CACNA2D3: variants seen among roughly 807,000 people sequenced by gnomAD.
CACNA2D3 encodes calcium voltage-gated channel auxiliary subunit alpha2delta 3.
In CACNA2D3, 60 loss-of-function variants were observed where a neutral mutation model predicts 160.6. That is an observed-to-expected ratio of 0.37 (90% CI 0.30 to 0.46). The LOEUF (loss-of-function observed/expected upper bound fraction) is 0.46, where lower values mean the gene tolerates loss of function less well. CACNA2D3 is among the 20% of genes least tolerant of loss of function. The pLI is 1.00. For synonymous variants in CACNA2D3, 558 were observed against 492.9 expected, an observed-to-expected ratio of 1.13 and a Z score of -1.75; for missense variants, 1,205 against 1,365.0, an observed-to-expected ratio of 0.88 and a Z score of 1.85.
At chr3:54,158,905 C>T (rs563716374) in intron 2 of CACNA2D3, among the ~76,000 whole-genome samples, 1 of 152,300 alleles carries the variant, frequency 6.6e-6, no homozygotes, top group African/African-American at 2.4e-5. Context: ...CCCTGCCCTG[C>T]TGAAATTAAG....
intron 9 of CACNA2D3, among the ~76,000 whole-genome samples, chr3:54,604,602 T>C (rs370418461): frequency 6.6e-6 from 1 of 152,230 alleles, no homozygotes; most frequent in African/African-American, 2.4e-5. Flanking sequence ...TCCCAGTAGC[T>C]AGCAAGTCCT....
chr3:54,362,760 G>A (rs571079888), intron 3 of CACNA2D3, among the ~76,000 whole-genome samples: 3 of 152,228 alleles, frequency 2.0e-5, no homozygotes, highest in African/African-American at 4.8e-5. Flanking sequence ...GAACAGCGGT[G>A]TGTGTCAAGC....
intron 27 of CACNA2D3, among the ~76,000 whole-genome samples, chr3:54,922,077 G>A (rs1422350008): frequency 2.0e-5 from 3 of 152,068 alleles, no homozygotes; most frequent in Non-Finnish European, 2.9e-5. Flanking sequence ...GCCTTCCTCC[G>A]AAGAAAAGCT....
intron 11 of CACNA2D3, among the ~76,000 whole-genome samples, chr3:54,646,190 CCTTGCT>C (rs1559537981): frequency 0.12 from 1,830 of 15,436 alleles, 327 homozygotes; most frequent in Non-Finnish European, 0.18. Context: ...CTCCCTCCTT[CCTTGCT>C]TCCTTCCTTC....
chr3:55,045,760 G>C (rs1389520826), intron 35 of CACNA2D3, among the ~76,000 whole-genome samples: 9 of 151,236 alleles, frequency 6.0e-5, no homozygotes, highest in African/African-American at 2.2e-4. Flanking sequence ...CTTACTAATA[G>C]TTTTAGTTTA....
chr3:54,356,915 G>A (rs1414494805), intron 3 of CACNA2D3, among the ~76,000 whole-genome samples: 2 of 151,926 alleles, frequency 1.3e-5, no homozygotes, highest in African/African-American at 4.8e-5. Flanking sequence ...TTTCTGGCAG[G>A]GAAAATTCTT....
At chr3:54,902,863 A>T (rs1462191145) in intron 27 of CACNA2D3, among the ~76,000 whole-genome samples, 3 of 152,226 alleles carry the variant, frequency 2.0e-5, no homozygotes, top group Non-Finnish European at 2.9e-5. Context: ...ATAAGAGAGA[A>T]GAATAAAAAT....
intron 11 of CACNA2D3, among the ~76,000 whole-genome samples, chr3:54,736,096 T>C (rs1387464147): frequency 0.1 from 2,037 of 19,490 alleles, 297 homozygotes; most frequent in Non-Finnish European, 0.17. Context: ...TGTGTATATA[T>C]ATACATATAT....
At chr3:54,729,776 G>A (rs933027240) in intron 11 of CACNA2D3, among the ~76,000 whole-genome samples, 3 of 152,122 alleles carry the variant, frequency 2.0e-5, no homozygotes. Context: ...ATGGTGGGTG[G>A]ATCACGAGGT....
Position 54,968,454 on chromosome 3 carries a change from A to G in CACNA2D3, c.2454A>G (p.Val818=), listed in dbSNP as rs375750856. Residue 818 remains valine, a synonymous_variant, in exon 28 of 38, where the codon GTA becomes GTG. Transcript: ENST00000474759. ...TTTATTTATAATTTGTCCCAGCTGT[A>G]GGCATTCAGATGAAACTTGAATTTT... ...DERKSPVVAA[V]GIQMKLEFFQ... is the part of the protein sequence containing the mutation. The G allele has an allele frequency of 2.6e-4, 414 of 1,604,586 alleles. 1 individual carries two copies. Among genetic ancestry groups the G allele is most frequent in the South Asian group, 5.2e-4 (47 of 89,728 alleles).
chr3:54,551,196 C>A (rs1205781230), intron 5 of CACNA2D3, among the ~76,000 whole-genome samples: 3 of 152,162 alleles, frequency 2.0e-5, no homozygotes, highest in African/African-American at 4.8e-5. Flanking sequence ...TCTGCCAGGA[C>A]CACTCTACAA....
chr3:54,614,169 A>C (rs1486880351), intron 9 of CACNA2D3, among the ~76,000 whole-genome samples: 2 of 152,220 alleles, frequency 1.3e-5, no homozygotes, highest in Admixed American at 6.5e-5. Flanking sequence ...AAAGGGAAGG[A>C]GAGTCTTTGG....
chr3:54,166,446 G>T (rs1470454432), intron 2 of CACNA2D3, among the ~76,000 whole-genome samples: 3 of 152,190 alleles, frequency 2.0e-5, no homozygotes, highest in Non-Finnish European at 4.4e-5. Flanking sequence ...AGAGCCCCTT[G>T]TTAATTGAAT....
intron 31 of CACNA2D3, 92 bp downstream of exon 31, chr3:54,987,845 A>G (rs1575423537): frequency 2.3e-6 from 2 of 872,532 alleles, no homozygotes; most frequent in Non-Finnish European, 3.4e-6. Context: ...CCCAGACTTG[A>G]CCCTGTGGCT....
intron 2 of CACNA2D3, among the ~76,000 whole-genome samples, chr3:54,214,107 G>T (rs1332300234): frequency 6.6e-6 from 1 of 152,148 alleles, no homozygotes; most frequent in Non-Finnish European, 1.5e-5. Context: ...GCATCTCGTG[G>T]TGACTCATAA....
At chr3:54,896,948 C>G (rs1305445949) in intron 26 of CACNA2D3, 78 bp downstream of exon 26, 6 of 1,582,044 alleles carry the variant, frequency 3.8e-6, no homozygotes, top group Non-Finnish European at 4.3e-6. Flanking sequence ...TGTTGGGGAG[C>G]TGCCTGAATG....
At chr3:54,470,322 A>C (rs2106871771) in intron 4 of CACNA2D3, among the ~76,000 whole-genome samples, 2 of 152,338 alleles carry the variant, frequency 1.3e-5, no homozygotes, top group Middle Eastern at 6.8e-3. Context: ...TTTCATATCC[A>C]GCCAAACTAA....
At chr3:54,808,152 A>C (rs1272083005) in intron 13 of CACNA2D3, among the ~76,000 whole-genome samples, 1 of 151,890 alleles carries the variant, frequency 6.6e-6, no homozygotes, top group African/African-American at 2.4e-5. Context: ...ACATGTATAC[A>C]TATGTAACTA....
At chr3:54,687,121 C>CTTTTTCTTTTTTT in intron 11 of CACNA2D3, among the ~76,000 whole-genome samples, 8 of 94,978 alleles carry the variant, frequency 8.4e-5, no homozygotes, top group South Asian at 4.3e-4. Context: ...TTTTCTTTTT[C>CTTTTTCTTTTTTT]TTTTTTTTTT....
Sources: gnomAD v4.1 joint callset for allele counts (sites outside exome capture counted in the v4.1 genomes callset) on GRCh38, gnomAD v4.1.1 for gene constraint, MANE v1.5 for transcripts, NCBI Gene and HGNC (gene_info 2026-07-23, HGNC 2026-07-21) for gene names.